SBNO1: variants seen among roughly 807,000 people sequenced by gnomAD.
The protein encoded by SBNO1 is protein strawberry notch homolog 1.
SBNO1 carries 23 observed loss-of-function variants against 173.6 expected under a neutral mutation model. The ratio of observed to expected loss-of-function variants is 0.13; its 90% CI spans 0.10 to 0.19. The LOEUF is 0.19. SBNO1 is among the 10% of genes least tolerant of loss of function. SBNO1 has a pLI of 1.00. For synonymous variants in SBNO1, 632 were observed against 571.5 expected, an observed-to-expected ratio of 1.11 and a Z score of -1.51; for missense variants, 1,238 against 1,671.2, an observed-to-expected ratio of 0.74 and a Z score of 4.52.
At chr12:123,336,827 C>G (rs1176430934) in intron 5 of SBNO1, among the ~76,000 whole-genome samples, 1 of 152,168 alleles carries the variant, frequency 6.6e-6, no homozygotes, top group Non-Finnish European at 1.5e-5. Context: ...CAGACTTCGC[C>G]TTCATTCTAG....
intron 1 of SBNO1, among the ~76,000 whole-genome samples, chr12:123,350,989 G>A (rs533915257): frequency 1.1e-3 from 175 of 152,284 alleles, no homozygotes; most frequent in African/African-American, 4.1e-3. Context: ...ACATGTGGTG[G>A]CGGGTGCCTG....
chr12:123,311,607 G>A (rs1372332949), intron 24 of SBNO1, among the ~76,000 whole-genome samples: 6 of 151,510 alleles, frequency 4.0e-5, no homozygotes, highest in African/African-American at 1.2e-4. Context: ...CACCCGGCTC[G>A]GCCTCCCAAA....
chr12:123,324,428 TCTC>T (rs1870368390), intron 15 of SBNO1, among the ~76,000 whole-genome samples: 1 of 151,872 alleles, frequency 6.6e-6, no homozygotes, highest in Non-Finnish European at 1.5e-5. Flanking sequence ...TTCAAGCAAT[TCTC>T]CTGCCTCAGC....
chr12:123,320,666 A>G (rs745838758), intron 18 of SBNO1, 33 bp downstream of exon 18: 2 of 1,595,610 alleles, frequency 1.3e-6, no homozygotes, highest in Admixed American at 1.8e-5. Flanking sequence ...TGTTTAAAAC[A>G]GTATTTCAAA....
In SBNO1 at chr12:123,327,486, T is replaced by A; in HGVS notation, c.1632A>T (p.Lys544Asn). 1 of 1,613,978 alleles carries A rather than the reference T, an allele frequency of 6.2e-7. No homozygotes were observed. Among genetic ancestry groups the A allele is most frequent in the Non-Finnish European group, 8.5e-7 (1 of 1,179,898 alleles). ...RQLSFTGVTFKIEEVLLSQSY... is the reference protein window; with the variant it reads ...RQLSFTGVTFNIEEVLLSQSY... ...TCTGAGAAAGAAGAACTTCCTCAAT[T>A]TTGAAGGTCACTCCAGTAAAGCTCA... The change falls in exon 13 of 32, where the codon AAA (lysine) becomes AAT (asparagine). Residue 544 changes from lysine (K) to asparagine (N), a missense_variant. Physicochemically the swap from Lys to Asn is moderately conservative, Grantham distance 94. Around this residue, in one of 14 missense-constraint regions of SBNO1, gnomAD observed 182 missense variants for 339.9 expected, o/e 0.54. Coordinates refer to ENST00000602398, the MANE Select transcript of SBNO1 (RefSeq NM_001167856.3).
intron 2 of SBNO1, among the ~76,000 whole-genome samples, chr12:123,349,908 G>A (rs1006959348): frequency 2.7e-5 from 4 of 149,684 alleles, no homozygotes; most frequent in African/African-American, 4.9e-5. Context: ...GCAAGACTCC[G>A]TCTCAGAAAA....
intron 24 of SBNO1, among the ~76,000 whole-genome samples, chr12:123,311,716 CTATCTATA>C (rs1252319130): frequency 1.0e-3 from 63 of 60,948 alleles, no homozygotes; most frequent in East Asian, 5.7e-3. Context: ...ATCTATCTAT[CTATCTATA>C]TATATATATA....
chr12:123,355,168 G>A (rs895507457), intron 1 of SBNO1, among the ~76,000 whole-genome samples: 19 of 151,774 alleles, frequency 1.3e-4, no homozygotes, highest in African/African-American at 4.6e-4. Context: ...CTACAGGCCC[G>A]TGCCACCACA....
chr12:123,290,382 C>G lies in SBNO1; in HGVS notation c.*5526G>C, dbSNP rs533145704. On this transcript the variant is annotated 3_prime_UTR_variant, in exon 32 of 32. Coordinates refer to ENST00000602398, the MANE Select transcript of SBNO1 (RefSeq NM_001167856.3). ...AATGAAAAGGCCCCAAAGACGCTCA[C>G]GGCAATCCTTGAAAGTTATAAAGGA... 6.6e-6 allele frequency: 1 copy of G among 152,208 alleles called. No individual in the cohort carries two copies. Among genetic ancestry groups the G allele is most frequent in the African/African-American group, 2.4e-5 (1 of 41,436 alleles). 9.4% of individuals were successfully genotyped at this position (152,208 alleles called of 1,614,324 possible).
At chr12:123,336,327 A>T in intron 6 of SBNO1, 68 bp downstream of exon 6, 1 of 1,043,720 alleles carries the variant, frequency 9.6e-7, no homozygotes, top group Non-Finnish European at 1.4e-6. Flanking sequence ...AAAAAAACAA[A>T]ACAAAAAGAA....
intron 3 of SBNO1, among the ~76,000 whole-genome samples, chr12:123,347,733 C>A (rs1873372989): frequency 6.6e-6 from 1 of 152,052 alleles, no homozygotes; most frequent in African/African-American, 2.4e-5. Context: ...TGGAGTTTCA[C>A]CATGTTGGCC....
chr12:123,303,670 CTG>C (rs2048847251), intron 29 of SBNO1, among the ~76,000 whole-genome samples: 1 of 151,552 alleles, frequency 6.6e-6, no homozygotes, highest in African/African-American at 2.4e-5. Context: ...AACATTAAGA[CTG>C]TGATATTAGC....
At chr12:123,352,362 A>G (rs906199156) in intron 1 of SBNO1, among the ~76,000 whole-genome samples, 16 of 152,288 alleles carry the variant, frequency 1.1e-4, no homozygotes, top group Non-Finnish European at 1.9e-4. Context: ...CCCAAGGTGG[A>G]GTACAATGGC....
intron 1 of SBNO1, 75 bp downstream of exon 1, chr12:123,364,626 C>T (rs1875916640): frequency 1.2e-6 from 1 of 845,518 alleles, no homozygotes; most frequent in Admixed American, 3.8e-4. Flanking sequence ...CCCGCACGGC[C>T]CCCCGAGGGT....
Position 123,330,407 on chromosome 12 carries a change from A to T in SBNO1, c.1134+12T>A. On this transcript the variant is annotated intron_variant, in intron 9 of 31. Coordinates refer to ENST00000602398, the MANE Select transcript of SBNO1 (RefSeq NM_001167856.3). ...TTTATTGAATGACCAACTGAATAAA[A>T]AGATTTCATACCTTATTTAACGAAT... 1 of 1,437,812 alleles carries T rather than the reference A, an allele frequency of 7.0e-7. No individual in the cohort carries two copies. The highest frequency in any genetic ancestry group is 1.2e-5 in the South Asian group (1 of 84,990). The allele number at this position is 1,437,812 out of a possible 1,614,324, so 89.1% of individuals were successfully genotyped here. A position where few individuals can be genotyped will look rare whatever the true frequency, so the allele number is the denominator to read the frequency against.
intron 31 of SBNO1, among the ~76,000 whole-genome samples, chr12:123,296,831 T>TTA (rs765709541): frequency 5.3e-5 from 8 of 151,766 alleles, no homozygotes; most frequent in Non-Finnish European, 1.2e-4. Context: ...AGTGCTGGGA[T>TTA]TATAGGTGTG....
chr12:123,325,864 T>A (rs1055514434), intron 14 of SBNO1, among the ~76,000 whole-genome samples: 1 of 152,168 alleles, frequency 6.6e-6, no homozygotes, highest in Non-Finnish European at 1.5e-5. Flanking sequence ...ATGCTTTAAG[T>A]AGATAAATAT....
At position 123,327,776 on chromosome 12, in the gene SBNO1, C is replaced by T; in HGVS notation, c.1469G>A (p.Arg490His). ...AGTACCCTCACCCCATATGCCAAGA[C>T]GGTTCATATAGGCCATGTTGCGTGG... ...SEPRNMAYMN[R>H]LGIWGEGTPF... Residue 490 changes from arginine (R) to histidine (H), a missense_variant, in exon 12 of 32, where the codon CGT becomes CAT. Transcript: ENST00000602398. The T allele has an allele frequency of 1.9e-6, 3 of 1,613,852 alleles. No homozygotes were observed. Among genetic ancestry groups the T allele is most frequent in the Non-Finnish European group, 1.7e-6 (2 of 1,179,924 alleles).
rs934510421 is a variant in SBNO1, at chr12:123,292,847, A to C, written c.*3061T>G. ...AAACTGCTTAACATATTTGCTTCTT[A>C]ATCAAGTTGTGTTTAAAGAAATGCA... On this transcript the variant is annotated 3_prime_UTR_variant, in exon 32 of 32. Transcript: ENST00000602398. 5 of 152,224 alleles carry C rather than the reference A, an allele frequency of 3.3e-5. No individual in the cohort carries two copies. The highest frequency in any genetic ancestry group is 5.9e-5 in the Non-Finnish European group (4 of 68,036). 9.4% of individuals were successfully genotyped at this position (152,224 alleles called of 1,614,324 possible).
Sources: allele counts gnomAD v4.1 joint callset (sites outside exome capture counted in the v4.1 genomes callset), GRCh38; gene constraint gnomAD v4.1.1; regional missense constraint gnomAD v4.1.1; transcripts MANE v1.5; gene names NCBI Gene and HGNC (gene_info 2026-07-23, HGNC 2026-07-21).